LRBA: variants seen among roughly 807,000 people sequenced by gnomAD.
LRBA encodes lipopolysaccharide-responsive and beige-like anchor protein.
In LRBA, 176 loss-of-function variants were observed where a neutral mutation model predicts 330.0. The ratio of observed to expected loss-of-function variants is 0.53; its 90% CI spans 0.47 to 0.60. LRBA has a LOEUF of 0.60. LRBA is among the 20% of genes least tolerant of loss of function. The pLI is 0.00. For synonymous variants in LRBA, 1,230 were observed against 1,193.0 expected (o/e 1.03, Z -0.64); for missense variants, 3,259 against 3,444.8 (o/e 0.95, Z 1.35).
chr4:150,307,250 T>A (rs1730473103), intron 52 of LRBA, among the ~76,000 whole-genome samples: 1 of 152,082 alleles, frequency 6.6e-6, no homozygotes, highest in Non-Finnish European at 1.5e-5. Flanking sequence ...ACAGATTAGT[T>A]GTTGCCAGGA....
intron 37 of LRBA, among the ~76,000 whole-genome samples, chr4:150,647,330 A>G (rs2126749850): frequency 6.6e-6 from 1 of 151,010 alleles, no homozygotes; most frequent in Non-Finnish European, 1.5e-5. Context: ...TATATCTGTA[A>G]AAAGTAAAAT....
intron 2 of LRBA, among the ~76,000 whole-genome samples, chr4:150,994,243 T>C (rs1407431783): frequency 6.6e-6 from 1 of 152,004 alleles, no homozygotes; most frequent in Non-Finnish European, 1.5e-5. Context: ...AAGTACAGTG[T>C]TGAGGAGAAC....
chr4:150,918,797 G>C (rs1163382856), intron 5 of LRBA, among the ~76,000 whole-genome samples: 2 of 152,154 alleles, frequency 1.3e-5, no homozygotes, highest in African/African-American at 4.8e-5. Context: ...CAAGGATGTA[G>C]AGAAATTTGA....
intron 38 of LRBA, 42 bp downstream of exon 38, chr4:150,598,965 C>T (rs1486953965): frequency 6.2e-7 from 1 of 1,610,846 alleles, no homozygotes; most frequent in Non-Finnish European, 8.5e-7. Context: ...TTACCAAGTC[C>T]TGTACCTGCT....
At position 150,943,171 on chromosome 4, in the gene LRBA, T is replaced by C. The variant is rs554770724; in HGVS notation, c.217-14106A>G. Reference sequence around the variant, plus strand: ...GAATTAAACAATGGTAAAGAGATGTTTATATGATAGAATTACCAGAGCTTT... The same window carrying C: ...GAATTAAACAATGGTAAAGAGATGTCTATATGATAGAATTACCAGAGCTTT... On this transcript the variant is annotated intron_variant, in intron 2 of 56. Transcript: ENST00000651943. Among the ~76,000 whole-genome samples, 4 of 152,328 alleles carry C rather than the reference T, an allele frequency of 2.6e-5. No homozygotes were observed. In the South Asian group the frequency reaches 8.3e-4, roughly 32 times the overall value.
chr4:150,985,549 A>C (rs1741358017), intron 2 of LRBA, among the ~76,000 whole-genome samples: 1 of 150,516 alleles, frequency 6.6e-6, no homozygotes, highest in Admixed American at 6.6e-5. Flanking sequence ...CCCAGGCTGG[A>C]GTGCAGTGGC....
intron 48 of LRBA, among the ~76,000 whole-genome samples, chr4:150,344,195 T>C (rs1294031133): frequency 6.6e-6 from 1 of 152,228 alleles, no homozygotes; most frequent in Non-Finnish European, 1.5e-5. Flanking sequence ...CTGGCGCATA[T>C]AAAGATTTCT....
chr4:150,597,149 T>C (rs1296799221), intron 38 of LRBA: 1 of 1,113,962 alleles, frequency 9.0e-7, no homozygotes, highest in Admixed American at 2.1e-5. Flanking sequence ...GGATTAACCT[T>C]TCAATTACTA....
chr4:150,998,455 G>A (rs1384227303), intron 2 of LRBA, among the ~76,000 whole-genome samples: 1 of 151,896 alleles, frequency 6.6e-6, no homozygotes. Flanking sequence ...CTGGGCTCAC[G>A]TGATCCTGCC....
At chr4:150,726,559 T>C (rs533113585) in intron 36 of LRBA, among the ~76,000 whole-genome samples, 12 of 152,298 alleles carry the variant, frequency 7.9e-5, no homozygotes, top group African/African-American at 2.6e-4. Context: ...CAGATCCATG[T>C]GGTTGGGAGG....
At chr4:150,802,908 G>A (rs112229581) in intron 33 of LRBA, among the ~76,000 whole-genome samples, 3,965 of 151,064 alleles carry the variant, frequency 0.026, 158 homozygotes, top group African/African-American at 0.091. Flanking sequence ...TGTAGTCACA[G>A]CTACTAGGGA....
chr4:150,827,742 C>T (rs1055055221), intron 30 of LRBA, among the ~76,000 whole-genome samples: 11 of 151,956 alleles, frequency 7.2e-5, no homozygotes, highest in South Asian at 2.1e-4. Context: ...GCCTGGATTA[C>T]AGGCACACCC....
chr4:150,370,198 A>T (rs907173064), intron 47 of LRBA, among the ~76,000 whole-genome samples: 2 of 152,202 alleles, frequency 1.3e-5, no homozygotes, highest in Admixed American at 6.5e-5. Flanking sequence ...TACCCAAATG[A>T]GAGGAAAATT....
intron 47 of LRBA, among the ~76,000 whole-genome samples, chr4:150,369,649 T>C (rs1366238579): frequency 1.3e-5 from 2 of 151,218 alleles, no homozygotes; most frequent in Non-Finnish European, 3.0e-5. Context: ...ATTTTAACTT[T>C]AGATTCATTG....
chr4:150,383,481 T>C (rs1195158194), intron 47 of LRBA, among the ~76,000 whole-genome samples: 1 of 152,132 alleles, frequency 6.6e-6, no homozygotes, highest in Non-Finnish European at 1.5e-5. Context: ...CTTGAACTTC[T>C]GGACTCAAGT....
intron 34 of LRBA, among the ~76,000 whole-genome samples, chr4:150,786,254 C>CTTT (rs34501190): frequency 4.4e-5 from 6 of 137,142 alleles, no homozygotes; most frequent in Non-Finnish European, 6.2e-5. Flanking sequence ...TTTTGCATTT[C>CTTT]TTTTTTTTTT....
chr4:150,947,382 A>T (rs1736358244), intron 2 of LRBA, among the ~76,000 whole-genome samples: 1 of 152,040 alleles, frequency 6.6e-6, no homozygotes, highest in Non-Finnish European at 1.5e-5. Flanking sequence ...TTTAATATTT[A>T]AAAATCAATT....
intron 36 of LRBA, among the ~76,000 whole-genome samples, chr4:150,717,256 G>A (rs1300454115): frequency 6.6e-6 from 1 of 151,974 alleles, no homozygotes; most frequent in Non-Finnish European, 1.5e-5. Flanking sequence ...AAAACAAGTG[G>A]TACTATAGAA....
At chr4:150,813,389 A>C (rs574433521) in intron 31 of LRBA, among the ~76,000 whole-genome samples, 20 of 152,048 alleles carry the variant, frequency 1.3e-4, no homozygotes, top group Non-Finnish European at 2.4e-4. Context: ...TTGCTCTTAG[A>C]CTAGTCCTTT....
Sources: allele counts gnomAD v4.1 joint callset (sites outside exome capture counted in the v4.1 genomes callset), GRCh38; gene constraint gnomAD v4.1.1; transcripts MANE v1.5; gene names NCBI Gene and HGNC (gene_info 2026-07-23, HGNC 2026-07-21).